MDGA2: variants seen among roughly 807,000 people sequenced by gnomAD.
MDGA2 encodes the protein MAM domain-containing glycosylphosphatidylinositol anchor protein 2.
A neutral mutation model predicts 117.8 loss-of-function variants in MDGA2; 40 were observed. The ratio of observed to expected loss-of-function variants is 0.34; its 90% CI spans 0.26 to 0.44. MDGA2 has a LOEUF of 0.44. Among genes scored for constraint, MDGA2 ranks in the 20% least tolerant of loss-of-function variants. The probability of loss-of-function intolerance (pLI) is 1.00; values close to 1 mark genes in which losing one functional copy is unlikely to be tolerated. For missense variants in MDGA2, 1,123 were observed against 1,250.6 expected, an observed-to-expected ratio of 0.90 and a Z score of 1.54; for synonymous variants, 452 against 439.0, an observed-to-expected ratio of 1.03 and a Z score of -0.37.
chr14:47,254,160 G>A (rs553722427), intron 2 of MDGA2, among the ~76,000 whole-genome samples: 20 of 152,290 alleles, frequency 1.3e-4, no homozygotes, highest in Admixed American at 5.2e-4. Flanking sequence ...GAAGGTCTCT[G>A]ACATGCCCTG....
At chr14:47,534,527 G>A (rs1054252081) in intron 1 of MDGA2, among the ~76,000 whole-genome samples, 8 of 152,132 alleles carry the variant, frequency 5.3e-5, no homozygotes, top group African/African-American at 1.9e-4. Flanking sequence ...GTGAGAGAGA[G>A]CCAGGAGAAA....
chr14:47,372,179 A>T, intron 1 of MDGA2, among the ~76,000 whole-genome samples: 1 of 151,814 alleles, frequency 6.6e-6, no homozygotes, highest in East Asian at 1.9e-4. Flanking sequence ...AAAATATTCT[A>T]CCACCAGCAG....
At chr14:47,489,891 T>C (rs563796424) in intron 1 of MDGA2, among the ~76,000 whole-genome samples, 2 of 152,202 alleles carry the variant, frequency 1.3e-5, no homozygotes, top group South Asian at 4.1e-4. Context: ...TGCATACTAG[T>C]GAATCACTTT....
chr14:47,338,477 A>G (rs1594804811), intron 1 of MDGA2, among the ~76,000 whole-genome samples: 1 of 152,064 alleles, frequency 6.6e-6, no homozygotes, highest in African/African-American at 2.4e-5. Flanking sequence ...AGAGACATGA[A>G]TATTAGTCTC....
intron 1 of MDGA2, among the ~76,000 whole-genome samples, chr14:47,313,558 A>C (rs959013720): frequency 6.6e-6 from 1 of 152,124 alleles, no homozygotes; most frequent in African/African-American, 2.4e-5. Context: ...CTGCCTCCCC[A>C]TATACTGGGA....
At position 47,088,737 on chromosome 14, in the gene MDGA2, C is replaced by T. The variant is rs1433740053; in HGVS notation, c.1195+8117G>A. On this transcript the variant is annotated intron_variant, in intron 6 of 16. Coordinates refer to ENST00000399232, the MANE Select transcript of MDGA2 (RefSeq NM_001113498.3). Reference sequence around the variant, plus strand: ...TGTAAGTATACATTGTATTTTCTTGCTTATGCTGAATGTTTTAGTTATGGG... The same window carrying T: ...TGTAAGTATACATTGTATTTTCTTGTTTATGCTGAATGTTTTAGTTATGGG... Among the ~76,000 whole-genome samples the T allele has an allele frequency of 2.6e-5, 4 of 152,190 alleles. No homozygotes were observed. The East Asian group carries it at 7.7e-4, about 29-fold the overall frequency.
intron 1 of MDGA2, among the ~76,000 whole-genome samples, chr14:47,362,985 A>C (rs1229032230): frequency 1.3e-5 from 2 of 152,310 alleles, no homozygotes; most frequent in East Asian, 3.9e-4. Flanking sequence ...AAAGCTTTTG[A>C]AAATAGTCAA....
At chr14:47,419,848 G>A (rs1892543062) in intron 1 of MDGA2, among the ~76,000 whole-genome samples, 1 of 151,986 alleles carries the variant, frequency 6.6e-6, no homozygotes, top group Non-Finnish European at 1.5e-5. Context: ...TAATTGGAGA[G>A]GTCTTTTTAT....
intron 3 of MDGA2, among the ~76,000 whole-genome samples, chr14:47,176,480 C>A (rs1166252811): frequency 1.3e-5 from 2 of 151,968 alleles, no homozygotes; most frequent in African/African-American, 2.4e-5. Context: ...AGAACAGAGC[C>A]CTCAGAAATA....
intron 9 of MDGA2, among the ~76,000 whole-genome samples, chr14:46,931,214 C>CAAAAAAA (rs34493526): frequency 1.3e-5 from 1 of 76,286 alleles, no homozygotes; most frequent in Non-Finnish European, 2.5e-5. Context: ...GACTACATCT[C>CAAAAAAA]AAAAAAAAAA....
intron 10 of MDGA2, among the ~76,000 whole-genome samples, chr14:46,914,900 A>C (rs1883842420): frequency 6.6e-6 from 1 of 152,184 alleles, no homozygotes; most frequent in South Asian, 2.1e-4. Flanking sequence ...AAATAATAAG[A>C]CTTTAAAAAT....
intron 3 of MDGA2, among the ~76,000 whole-genome samples, chr14:47,175,069 G>A (rs1566665311): frequency 6.6e-6 from 1 of 151,712 alleles, no homozygotes; most frequent in African/African-American, 2.4e-5. Context: ...TAAATTCCTC[G>A]ACACATACAC....
intron 8 of MDGA2, among the ~76,000 whole-genome samples, chr14:47,015,694 A>C (rs1888059107): frequency 6.6e-6 from 1 of 152,128 alleles, no homozygotes; most frequent in Non-Finnish European, 1.5e-5. Context: ...CCAAAAATGA[A>C]GTCAGGACTC....
chr14:47,036,270 CAAAA>C (rs11310113), intron 7 of MDGA2, among the ~76,000 whole-genome samples: 9 of 74,454 alleles, frequency 1.2e-4, no homozygotes, highest in African/African-American at 4.1e-4. Flanking sequence ...ACTCTGTCTC[CAAAA>C]AAAAAAAAAA....
At position 46,845,883 on chromosome 14, in the gene MDGA2, A is replaced by G. The variant is rs184880880; in HGVS notation, c.2884-12T>C. The G allele has an allele frequency of 1.1e-5, 17 of 1,583,448 alleles. No homozygotes were observed. The Admixed American group carries it at 2.7e-4, about 25-fold the overall frequency. ...CCTTCAAAAATGAGCTACAAATATG[A>G]ATGAAACAAACCTAAATGTGGAGCT... On this transcript the variant is annotated splice_polypyrimidine_tract_variant and intron_variant, in intron 15 of 16. Transcript: ENST00000399232.
intron 15 of MDGA2, among the ~76,000 whole-genome samples, chr14:46,846,076 T>G (rs1406294904): frequency 6.6e-6 from 1 of 152,148 alleles, no homozygotes; most frequent in East Asian, 1.9e-4. Context: ...TATTAGTTTT[T>G]CACATCAAAA....
intron 2 of MDGA2, among the ~76,000 whole-genome samples, chr14:47,296,967 T>C (rs1351296918): frequency 6.6e-6 from 1 of 152,148 alleles, no homozygotes; most frequent in African/African-American, 2.4e-5. Context: ...TCAGATTCAC[T>C]TGGAGGGCTT....
chr14:47,354,707 G>A (rs1402627242), intron 1 of MDGA2, among the ~76,000 whole-genome samples: 1 of 152,062 alleles, frequency 6.6e-6, no homozygotes, highest in African/African-American at 2.4e-5. Flanking sequence ...ATCCACCTTG[G>A]TTGTGGTCAT....
intron 1 of MDGA2, among the ~76,000 whole-genome samples, chr14:47,415,917 C>T (rs577300952): frequency 1.3e-5 from 2 of 152,200 alleles, no homozygotes; most frequent in South Asian, 4.2e-4. Flanking sequence ...ATGACTTCGT[C>T]ATCTGTTAAA....
Sources: allele counts gnomAD v4.1 joint callset (sites outside exome capture counted in the v4.1 genomes callset), GRCh38; gene constraint gnomAD v4.1.1; transcripts MANE v1.5; gene names NCBI Gene and HGNC (gene_info 2026-07-23, HGNC 2026-07-21).